The following NMNAT2 variants were observed in gnomAD, a reference collection of about 807,000 sequenced individuals.
The protein encoded by NMNAT2 is nicotinamide nucleotide adenylyltransferase 2.
Under a neutral mutation model 41.6 loss-of-function variants are expected in NMNAT2, and 11 were observed. The observed-to-expected ratio is 0.26, with a 90% confidence interval of 0.17 to 0.44. The LOEUF is 0.44. NMNAT2 is among the 20% of genes least tolerant of loss of function. NMNAT2 has a pLI of 1.00. For missense variants in NMNAT2, 288 were observed against 407.7 expected, an observed-to-expected ratio of 0.71 and a Z score of 2.53; for synonymous variants, 148 against 151.2, an observed-to-expected ratio of 0.98 and a Z score of 0.16.
At chr1:183,417,904 CT>C (rs1404622990) in intron 1 of NMNAT2, among the ~76,000 whole-genome samples, 1 of 152,176 alleles carries the variant, frequency 6.6e-6, no homozygotes, top group Non-Finnish European at 1.5e-5. Flanking sequence ...TCTCGAACCC[CT>C]GCCCAGCCCC....
intron 1 of NMNAT2, among the ~76,000 whole-genome samples, chr1:183,343,085 C>A: frequency 6.6e-6 from 1 of 152,114 alleles, no homozygotes; most frequent in African/African-American, 2.4e-5. Context: ...GTTTTGTCTT[C>A]ATGTCTGCAC....
intron 8 of NMNAT2, among the ~76,000 whole-genome samples, chr1:183,273,873 T>C (rs181257018): frequency 0.06 from 6,501 of 108,410 alleles, 643 homozygotes; most frequent in African/African-American, 0.16. Context: ...CTTCCTTCCT[T>C]CCTTCCTTCC....
At chr1:183,281,821 T>C (rs1661277388) in intron 7 of NMNAT2, among the ~76,000 whole-genome samples, 1 of 152,198 alleles carries the variant, frequency 6.6e-6, no homozygotes, top group Admixed American at 6.5e-5. Context: ...TTCCTCCTCA[T>C]TTAGTGTGGA....
At chr1:183,303,384 A>T (rs1661914420) in intron 1 of NMNAT2, among the ~76,000 whole-genome samples, 1 of 152,196 alleles carries the variant, frequency 6.6e-6, no homozygotes, top group Non-Finnish European at 1.5e-5. Flanking sequence ...GTATTTTCTC[A>T]TGTTAAATTT....
At chr1:183,328,058 A>G (rs1159728540) in intron 1 of NMNAT2, among the ~76,000 whole-genome samples, 3 of 152,178 alleles carry the variant, frequency 2.0e-5, no homozygotes, top group African/African-American at 7.2e-5. Flanking sequence ...TGTTCCCTCC[A>G]GGACTTGGGC....
At chr1:183,329,332 T>C (rs1044793868) in intron 1 of NMNAT2, among the ~76,000 whole-genome samples, 2 of 152,200 alleles carry the variant, frequency 1.3e-5, no homozygotes, top group Non-Finnish European at 2.9e-5. Flanking sequence ...ATGAAAGTCA[T>C]ATATCTTAGC....
At chr1:183,268,082 G>C (rs1558110677) in intron 8 of NMNAT2, among the ~76,000 whole-genome samples, 1 of 152,146 alleles carries the variant, frequency 6.6e-6, no homozygotes, top group African/African-American at 2.4e-5. Flanking sequence ...GATGGGGAGA[G>C]GATGTGGGAG....
intron 1 of NMNAT2, among the ~76,000 whole-genome samples, chr1:183,363,760 G>A (rs550222741): frequency 5.3e-5 from 8 of 152,302 alleles, no homozygotes; most frequent in African/African-American, 1.9e-4. Context: ...TGAATAGTAA[G>A]GCTTTAAGAA....
chr1:183,391,116 G>A (rs1389847083), intron 1 of NMNAT2, among the ~76,000 whole-genome samples: 2 of 152,238 alleles, frequency 1.3e-5, no homozygotes, highest in South Asian at 2.1e-4. Context: ...TTGGAGAAAT[G>A]CCTCCACACC....
At position 183,252,475 on chromosome 1, in the gene NMNAT2, A is replaced by T. The variant is rs199686715; in HGVS notation, c.*166T>A. ...AAGTCTGTCCAAAGATGACTGTGGA[A>T]TAGGGAATGCCATGGTTCTCTGCAG... On this transcript the variant is annotated 3_prime_UTR_variant, in exon 11 of 11. Coordinates refer to ENST00000287713, the MANE Select transcript of NMNAT2 (RefSeq NM_015039.4). The T allele has an allele frequency of 2.1e-5, 13 of 620,520 alleles. No homozygotes were observed. The highest frequency in any genetic ancestry group is 3.5e-5 in the Non-Finnish European group (12 of 341,000). The allele number at this position is 620,520 out of a possible 1,614,324, so 38.4% of individuals were successfully genotyped here. A position where few individuals can be genotyped will look rare whatever the true frequency, so the allele number is the denominator to read the frequency against.
In NMNAT2 at chr1:183,280,775, ATTTTTTTTT is replaced by A. The variant is rs138238837; in HGVS notation, c.575-2155_575-2147del. 2.1e-3 allele frequency among the ~76,000 whole-genome samples: 127 copies of A among 60,980 alleles called. 1 individual carries two copies. The highest frequency in any genetic ancestry group is 8.6e-3 in the African/African-American group (120 of 13,876). The allele number at this position is 60,980 out of a possible 152,430, so 40.0% of individuals were successfully genotyped here. Reference sequence around the variant, plus strand: ...CATCAGCTATTGTTAGTGTTAGTGTATTTTTTTTTTTTTTTTTTTTTTTTTTGAGATGGA... The same window carrying A: ...CATCAGCTATTGTTAGTGTTAGTGTATTTTTTTTTTTTTTTTTGAGATGGA... On this transcript the variant is annotated intron_variant, in intron 7 of 10. Transcript: ENST00000287713.
At chr1:183,404,721 G>A (rs190875914) in intron 1 of NMNAT2, among the ~76,000 whole-genome samples, 2 of 152,314 alleles carry the variant, frequency 1.3e-5, no homozygotes, top group Admixed American at 6.5e-5. Flanking sequence ...TGCTTTAAAG[G>A]CAATGCCAAT....
intron 1 of NMNAT2, among the ~76,000 whole-genome samples, chr1:183,344,449 A>G (rs1440762680): frequency 2.0e-5 from 3 of 152,288 alleles, no homozygotes; most frequent in African/African-American, 7.2e-5. Flanking sequence ...TGATATCCAT[A>G]TAATTGTTTG....
chr1:183,285,840 G>A (rs1044888265), intron 5 of NMNAT2, among the ~76,000 whole-genome samples: 2 of 152,178 alleles, frequency 1.3e-5, no homozygotes, highest in African/African-American at 4.8e-5. Context: ...TAAAGCACGA[G>A]CATCATTTGG....
intron 1 of NMNAT2, among the ~76,000 whole-genome samples, chr1:183,350,739 T>A (rs1663028176): frequency 6.6e-6 from 1 of 152,246 alleles, no homozygotes. Context: ...ATGTCTACCA[T>A]GCACAACACA....
intron 1 of NMNAT2, among the ~76,000 whole-genome samples, chr1:183,386,459 A>G (rs967780714): frequency 6.6e-6 from 1 of 152,200 alleles, no homozygotes; most frequent in Non-Finnish European, 1.5e-5. Context: ...GCTAAGTTTG[A>G]GTGTTTATAG....
At chr1:183,378,573 T>C (rs1663727799) in intron 1 of NMNAT2, among the ~76,000 whole-genome samples, 2 of 151,214 alleles carry the variant, frequency 1.3e-5, no homozygotes. Context: ...ATAATTATTA[T>C]AAAATAAATA....
intron 1 of NMNAT2, among the ~76,000 whole-genome samples, chr1:183,352,184 T>C (rs1270012499): frequency 6.6e-6 from 1 of 152,152 alleles, no homozygotes; most frequent in Non-Finnish European, 1.5e-5. Flanking sequence ...TCAAAATCGT[T>C]CACCTCCCTG....
In NMNAT2 at chr1:183,252,873, G is replaced by A. The variant is rs572907097; in HGVS notation, c.822-130C>T. On this transcript the variant is annotated intron_variant, in intron 10 of 10. Coordinates refer to ENST00000287713, the MANE Select transcript of NMNAT2 (RefSeq NM_015039.4). The stretch of plus-strand genomic sequence containing the variant: ...AGGTTGAGTAAATAGTTCTGTATTA[G>A]GAAAGGCCCTCTTGCCTCCACAACT... 3.1e-4 allele frequency: 203 copies of A among 657,090 alleles called. 1 individual carries two copies. The South Asian group carries it at 3.4e-3, about 11-fold the overall frequency. The allele number at this position is 657,090 out of a possible 1,614,324, so 40.7% of individuals were successfully genotyped here. A position where few individuals can be genotyped will look rare whatever the true frequency, so the allele number is the denominator to read the frequency against.
Sources: gnomAD v4.1 joint callset for allele counts (sites outside exome capture counted in the v4.1 genomes callset) on GRCh38, gnomAD v4.1.1 for gene constraint, MANE v1.5 for transcripts, NCBI Gene and HGNC (gene_info 2026-07-23, HGNC 2026-07-21) for gene names.